Variants in MDGA2 observed in about 807,000 individuals in gnomAD.
MDGA2 encodes MAM domain containing glycosylphosphatidylinositol anchor 2.
In MDGA2, 40 loss-of-function variants were observed where a neutral mutation model predicts 117.8. That is an observed-to-expected ratio of 0.34 (90% CI 0.26 to 0.44). The LOEUF is 0.44. MDGA2 is among the 20% of genes least tolerant of loss of function. The pLI, the probability that MDGA2 is intolerant of heterozygous loss-of-function variation, is 1.00. For missense variants in MDGA2, 1,123 were observed against 1,250.6 expected (o/e 0.90, Z 1.54); for synonymous variants, 452 against 439.0 (o/e 1.03, Z -0.37).
In MDGA2 at chr14:47,051,452, C is replaced by A. The variant is rs189871135; in HGVS notation, c.1525+9797G>T. On this transcript the variant is annotated intron_variant, in intron 7 of 16. Coordinates refer to ENST00000399232, the MANE Select transcript of MDGA2 (RefSeq NM_001113498.3). ...CAAATTCAAGTTTTTCTAAATTTTTCTCATCCCTTTTCCAAACCTCACTGA... is the reference window on the plus strand; with the variant it reads ...CAAATTCAAGTTTTTCTAAATTTTTATCATCCCTTTTCCAAACCTCACTGA... 2.0e-5 allele frequency among the ~76,000 whole-genome samples: 3 copies of A among 151,896 alleles called. No homozygotes were observed. In the East Asian group the frequency reaches 5.8e-4, roughly 29 times the overall value.
chr14:47,429,293 C>T (rs7494506), intron 1 of MDGA2, among the ~76,000 whole-genome samples: 1 of 141,180 alleles, frequency 7.1e-6, no homozygotes, highest in Non-Finnish European at 1.6e-5. Context: ...TATATATATA[C>T]ACACATATAT....
At chr14:46,859,053 C>G (rs187196891) in intron 14 of MDGA2, among the ~76,000 whole-genome samples, 248 of 152,258 alleles carry the variant, frequency 1.6e-3, no homozygotes, top group Non-Finnish European at 3.1e-3. Context: ...AATTCTCTAA[C>G]TTTATGGGAC....
intron 15 of MDGA2, among the ~76,000 whole-genome samples, chr14:46,851,273 A>G (rs1421112672): frequency 6.6e-6 from 1 of 151,878 alleles, no homozygotes; most frequent in Non-Finnish European, 1.5e-5. Context: ...CATTTGAAAT[A>G]TACTATGAAA....
rs369569865 is a variant in MDGA2, at chr14:47,514,826, A to AG, written c.280+159690dup. On this transcript the variant is annotated intron_variant, in intron 1 of 16. Transcript: ENST00000399232. ...TTGTCAGCCAAAACATCTGATTACA[A>AG]GGGGGTCACATCATGACAATGCTAA... 2.4e-4 allele frequency among the ~76,000 whole-genome samples: 36 copies of AG among 152,198 alleles called. 1 individual carries two copies. In the East Asian group the frequency reaches 5.8e-3, roughly 25 times the overall value.
At chr14:47,670,431 T>C (rs921224647) in intron 1 of MDGA2, among the ~76,000 whole-genome samples, 1 of 152,180 alleles carries the variant, frequency 6.6e-6, no homozygotes, top group Non-Finnish European at 1.5e-5. Flanking sequence ...GAGTACTTCT[T>C]CTTTTTTTAG....
At chr14:47,060,451 G>A (rs544372088) in intron 7 of MDGA2, among the ~76,000 whole-genome samples, 1 of 152,024 alleles carries the variant, frequency 6.6e-6, no homozygotes, top group South Asian at 2.1e-4. Context: ...CTTTCATGAT[G>A]TAAGAATCTT....
intron 1 of MDGA2, among the ~76,000 whole-genome samples, chr14:47,501,984 C>T (rs1260768160): frequency 6.6e-6 from 1 of 151,856 alleles, no homozygotes; most frequent in African/African-American, 2.4e-5. Flanking sequence ...GCAAGATTTC[C>T]AGTAAAATTA....
intron 1 of MDGA2, among the ~76,000 whole-genome samples, chr14:47,371,620 T>C (rs775253860): frequency 4.0e-5 from 6 of 151,702 alleles, no homozygotes; most frequent in Non-Finnish European, 7.4e-5. Flanking sequence ...ACCCCCAAAA[T>C]GTAGTAATTA....
At chr14:47,262,596 C>T (rs1887832504) in intron 2 of MDGA2, among the ~76,000 whole-genome samples, 1 of 152,130 alleles carries the variant, frequency 6.6e-6, no homozygotes, top group African/African-American at 2.4e-5. Context: ...GCTTGGGCAA[C>T]ACCATCTAGG....
At chr14:47,562,671 A>G (rs1383312416) in intron 1 of MDGA2, among the ~76,000 whole-genome samples, 1 of 152,092 alleles carries the variant, frequency 6.6e-6, no homozygotes, top group African/African-American at 2.4e-5. Flanking sequence ...AATTTTCTCA[A>G]AAAGCAAAGT....
At chr14:47,482,394 A>G (rs2138636837) in intron 1 of MDGA2, among the ~76,000 whole-genome samples, 1 of 152,196 alleles carries the variant, frequency 6.6e-6, no homozygotes, top group South Asian at 2.1e-4. Flanking sequence ...TTTTATCTTC[A>G]TACTGGAGGA....
At chr14:47,268,295 G>A (rs999103546) in intron 2 of MDGA2, among the ~76,000 whole-genome samples, 4 of 151,874 alleles carry the variant, frequency 2.6e-5, no homozygotes, top group East Asian at 3.9e-4. Context: ...GGATGGTCTC[G>A]AACTCCTGAC....
intron 1 of MDGA2, among the ~76,000 whole-genome samples, chr14:47,401,669 G>C (rs920406651): frequency 1.3e-5 from 2 of 152,190 alleles, no homozygotes; most frequent in African/African-American, 4.8e-5. Context: ...TACAGCTGTT[G>C]TGTGATCCTG....
intron 14 of MDGA2, among the ~76,000 whole-genome samples, chr14:46,869,740 G>C (rs536812828): frequency 6.6e-6 from 1 of 151,858 alleles, no homozygotes; most frequent in African/African-American, 2.4e-5. Flanking sequence ...GTTAGGTTAT[G>C]AAAAATCCTG....
At chr14:47,023,518 A>T (rs1888368366) in intron 8 of MDGA2, among the ~76,000 whole-genome samples, 1 of 152,196 alleles carries the variant, frequency 6.6e-6, no homozygotes, top group Admixed American at 6.5e-5. Context: ...GGCAAATAAG[A>T]AAGTGAATAT....
chr14:47,561,153 G>GGTTTTTTTTT lies in MDGA2; in HGVS notation c.280+113363_280+113364insAAAAAAAAAC, dbSNP rs1895797132. Among the ~76,000 whole-genome samples, 62 of 63,892 alleles carry GGTTTTTTTTT rather than the reference G, an allele frequency of 9.7e-4. 8 individuals carry two copies. The highest frequency in any genetic ancestry group is 2.9e-3 in the East Asian group (2 of 694). The allele number at this position is 63,892 out of a possible 152,430, so 41.9% of individuals were successfully genotyped here. ...TACCTCTATCTTTGTTTTTTTTTTT[G>GGTTTTTTTTT]TTTTGTTTTGTTTTTTTGTTTGTTT... On this transcript the variant is annotated intron_variant, in intron 1 of 16. Transcript: ENST00000399232.
At chr14:47,173,380 T>A (rs1884271607) in intron 3 of MDGA2, among the ~76,000 whole-genome samples, 1 of 151,684 alleles carries the variant, frequency 6.6e-6, no homozygotes, top group African/African-American at 2.4e-5. Context: ...AAGGAAAAAA[T>A]ATTAAGGGCA....
intron 1 of MDGA2, among the ~76,000 whole-genome samples, chr14:47,552,704 G>A (rs1436080485): frequency 6.6e-6 from 1 of 151,740 alleles, no homozygotes; most frequent in Non-Finnish European, 1.5e-5. Flanking sequence ...TCACTCCTTT[G>A]GTAAAAACCC....
In MDGA2 at chr14:46,882,217, C is replaced by A; in HGVS notation, c.2243G>T (p.Gly748Val). The change falls in exon 11 of 17, where the codon GGA becomes GTA. Residue 748 changes from glycine to valine, a missense_variant. Physicochemically the swap from Gly to Val is moderately radical, Grantham distance 109 (BLOSUM62 -3). Around this residue, in one of 2 missense-constraint regions of MDGA2, gnomAD observed 890 missense variants for 1,050.3 expected, o/e 0.85. Coordinates refer to ENST00000399232, the MANE Select transcript of MDGA2 (RefSeq NM_001113498.3). The part of the protein sequence containing the change: ...VAYRLGIRQA[G>V]QQRWWEQEIK... ...CTCCTGCTCCCACCAGCGCTGCTGTCCAGCCTGAAATCAAAACAATAATAG... is the reference window on the plus strand; with the variant it reads ...CTCCTGCTCCCACCAGCGCTGCTGTACAGCCTGAAATCAAAACAATAATAG... 6.2e-7 allele frequency: 1 copy of A among 1,606,632 alleles called. No individual in the cohort carries two copies. The highest frequency in any genetic ancestry group is 1.1e-5 in the South Asian group (1 of 89,636).
Sources: gnomAD v4.1 joint callset for allele counts (sites outside exome capture counted in the v4.1 genomes callset) on GRCh38, gnomAD v4.1.1 for gene constraint, gnomAD v4.1.1 regional missense constraint, MANE v1.5 for transcripts, NCBI Gene and HGNC (gene_info 2026-07-23, HGNC 2026-07-21) for gene names.